Variants in PTBP2 observed in about 807,000 individuals in gnomAD.
PTBP2 encodes polypyrimidine tract binding protein 2.
In PTBP2, 13 loss-of-function variants were observed where a neutral mutation model predicts 61.4. The observed-to-expected ratio is 0.21, with a 90% CI of 0.14 to 0.34. The LOEUF is 0.34. Among genes scored for constraint, PTBP2 ranks in the 10% least tolerant of loss-of-function variants. PTBP2 has a pLI of 1.00. For missense variants in PTBP2, 405 were observed against 642.6 expected (o/e 0.63, Z 4.00); for synonymous variants, 215 against 218.5 (o/e 0.98, Z 0.14).
At chr1:96,807,306 A>G (rs907489434) in intron 11 of PTBP2, among the ~76,000 whole-genome samples, 1 of 152,184 alleles carries the variant, frequency 6.6e-6, no homozygotes, top group African/African-American at 2.4e-5. Context: ...CAGTCCATAG[A>G]ATCCTTCTTA....
chr1:96,789,574 C>T (rs1332147938), intron 8 of PTBP2, among the ~76,000 whole-genome samples: 3 of 152,036 alleles, frequency 2.0e-5, no homozygotes, highest in African/African-American at 7.2e-5. Context: ...TTTTAATTAG[C>T]TGTTAAACTG....
Position 96,780,408 on chromosome 1 carries a change from GTTGT to G in PTBP2, c.708+2465_708+2468del, listed in dbSNP as rs572417585. 1.3e-4 allele frequency among the ~76,000 whole-genome samples: 20 copies of G among 151,924 alleles called. 1 individual carries two copies. In the South Asian group the frequency reaches 4.2e-3, roughly 32 times the overall value. On this transcript the variant is annotated intron_variant, in intron 7 of 13. Transcript: ENST00000674951. ...CAGACTTCTTAAATAGTCTATCTTT[GTTGT>G]TTATTATCTCATTTCTCTACTTACT...
At chr1:96,738,837 C>G (rs1406790529) in intron 2 of PTBP2, among the ~76,000 whole-genome samples, 1 of 152,042 alleles carries the variant, frequency 6.6e-6, no homozygotes, top group African/African-American at 2.4e-5. Flanking sequence ...TGCTTTGTTT[C>G]GTATTCTTTT....
At chr1:96,817,375 A>C (rs1267514512), downstream of PTBP2, 1 of 92,544 alleles carries the variant, frequency 1.1e-5, no homozygotes, top group African/African-American at 5.5e-5. Flanking sequence ...AATTCAGCAG[A>C]AAGTCTTAAT....
At chr1:96,727,162 C>T (rs1239774682) in intron 2 of PTBP2, among the ~76,000 whole-genome samples, 3 of 152,100 alleles carry the variant, frequency 2.0e-5, no homozygotes, top group Non-Finnish European at 4.4e-5. Context: ...ATGGTATGTA[C>T]ATTTTTGGTC....
intron 3 of PTBP2, among the ~76,000 whole-genome samples, chr1:96,765,020 C>G (rs943501571): frequency 1.3e-5 from 2 of 152,204 alleles, no homozygotes; most frequent in African/African-American, 4.8e-5. Context: ...GAAGTACCAC[C>G]TATCTGCACC....
At chr1:96,759,787 C>T (rs1323539759) in intron 3 of PTBP2, among the ~76,000 whole-genome samples, 1 of 152,114 alleles carries the variant, frequency 6.6e-6, no homozygotes, top group African/African-American at 2.4e-5. Flanking sequence ...ATGCATATGA[C>T]TGTATTAGTC....
At chr1:96,733,905 C>T (rs1255417864) in intron 2 of PTBP2, among the ~76,000 whole-genome samples, 1 of 152,148 alleles carries the variant, frequency 6.6e-6, no homozygotes, top group Non-Finnish European at 1.5e-5. Flanking sequence ...AGATTGGCTT[C>T]AGTATTTCAT....
At chr1:96,723,722 A>C in intron 2 of PTBP2, 128 bp downstream of exon 2, 1 of 778,994 alleles carries the variant, frequency 1.3e-6, no homozygotes, top group Non-Finnish European at 2.0e-6. Flanking sequence ...GTTTCCTTTC[A>C]TTTGTAAAGT....
chr1:96,795,020 G>C (rs1433087423), intron 8 of PTBP2, among the ~76,000 whole-genome samples: 1 of 152,192 alleles, frequency 6.6e-6, no homozygotes, highest in Non-Finnish European at 1.5e-5. Flanking sequence ...ATGAGCATCA[G>C]AGTGTCTGCG....
intron 7 of PTBP2, among the ~76,000 whole-genome samples, chr1:96,779,180 CT>C (rs924808102): frequency 2.6e-5 from 4 of 151,146 alleles, no homozygotes; most frequent in South Asian, 2.1e-4. Context: ...AATTAGAATT[CT>C]TTTTTTTTGT....
At chr1:96,733,831 T>C (rs1651778584) in intron 2 of PTBP2, among the ~76,000 whole-genome samples, 4 of 152,204 alleles carry the variant, frequency 2.6e-5, no homozygotes, top group Admixed American at 1.3e-4. Flanking sequence ...GTCCTCTTCC[T>C]CCTTAGCCTA....
At chr1:96,724,639 C>A (rs547320907) in intron 2 of PTBP2, among the ~76,000 whole-genome samples, 2 of 136,302 alleles carry the variant, frequency 1.5e-5, no homozygotes, top group South Asian at 2.2e-4. Flanking sequence ...GCTGACTGTT[C>A]AAACATTTTT....
intron 3 of PTBP2, among the ~76,000 whole-genome samples, chr1:96,757,698 A>G (rs1655319534): frequency 6.6e-6 from 1 of 152,202 alleles, no homozygotes; most frequent in African/African-American, 2.4e-5. Context: ...AAAATAACTC[A>G]ATAAATTTCA....
chr1:96,769,960 G>T (rs1657200489), intron 4 of PTBP2, 85 bp downstream of exon 4: 1 of 1,107,780 alleles, frequency 9.0e-7, no homozygotes, highest in Admixed American at 3.0e-5. Flanking sequence ...GAAAATAGTA[G>T]GTTATTTTTC....
intron 2 of PTBP2, among the ~76,000 whole-genome samples, chr1:96,732,419 A>C (rs1023373414): frequency 6.6e-6 from 1 of 152,190 alleles, no homozygotes; most frequent in African/African-American, 2.4e-5. Context: ...CTATGTTAGA[A>C]ATTGATGTAT....
intron 2 of PTBP2, among the ~76,000 whole-genome samples, chr1:96,728,678 T>C (rs926646629): frequency 1.3e-5 from 2 of 152,210 alleles, no homozygotes; most frequent in Admixed American, 1.3e-4. Context: ...GAGTCCTTTG[T>C]ATTTTCATAT....
intron 2 of PTBP2, among the ~76,000 whole-genome samples, chr1:96,727,673 T>C (rs1570690535): frequency 6.6e-6 from 1 of 152,328 alleles, no homozygotes; most frequent in Non-Finnish European, 1.5e-5. Flanking sequence ...CGTGTGCTTT[T>C]TGTCAGCTGT....
intron 3 of PTBP2, among the ~76,000 whole-genome samples, chr1:96,756,402 A>G (rs1179855586): frequency 6.6e-6 from 1 of 152,206 alleles, no homozygotes; most frequent in Admixed American, 6.5e-5. Context: ...CTCCATCTCA[A>G]ATATACTTTC....
Sources: gnomAD v4.1 joint callset for allele counts (sites outside exome capture counted in the v4.1 genomes callset) on GRCh38, gnomAD v4.1.1 for gene constraint, MANE v1.5 for transcripts, NCBI Gene and HGNC (gene_info 2026-07-23, HGNC 2026-07-21) for gene names.